The following TENM4 variants were observed in gnomAD, a reference collection of about 807,000 sequenced individuals.
TENM4 encodes the protein teneurin-4.
A neutral mutation model predicts 243.3 loss-of-function variants in TENM4; 82 were observed. The ratio of observed to expected loss-of-function variants is 0.34; its 90% CI spans 0.28 to 0.40. The LOEUF (loss-of-function observed/expected upper bound fraction) is 0.40. Ranked by LOEUF, TENM4 falls within the 10% of genes least tolerant of loss-of-function variation. The probability of loss-of-function intolerance (pLI) is 1.00; values close to 1 mark genes in which losing one functional copy is unlikely to be tolerated. For missense variants in TENM4, 3,138 were observed against 3,673.3 expected (o/e 0.85, Z 3.77); for synonymous variants, 1,412 against 1,456.3 (o/e 0.97, Z 0.69).
chr11:78,714,568 C>A (rs1434121425), intron 25 of TENM4, among the ~76,000 whole-genome samples: 3 of 152,202 alleles, frequency 2.0e-5, no homozygotes, highest in Admixed American at 2.0e-4. Context: ...CAAATACCAA[C>A]CTGCCATTTC....
At chr11:79,301,443 T>C (rs1011841078) in intron 1 of TENM4, among the ~76,000 whole-genome samples, 3 of 152,200 alleles carry the variant, frequency 2.0e-5, no homozygotes, top group African/African-American at 7.2e-5. Flanking sequence ...AAATGAACTC[T>C]TCAGGCTTCT....
At chr11:79,126,622 A>G (rs1461398742) in intron 4 of TENM4, among the ~76,000 whole-genome samples, 1 of 152,182 alleles carries the variant, frequency 6.6e-6, no homozygotes, top group African/African-American at 2.4e-5. Context: ...CTGCATTCCT[A>G]TGTAATTTAT....
intron 1 of TENM4, among the ~76,000 whole-genome samples, chr11:79,316,129 C>T (rs1856798830): frequency 6.6e-6 from 1 of 152,036 alleles, no homozygotes; most frequent in South Asian, 2.1e-4. Flanking sequence ...GATTTTTATC[C>T]AGTATCTCCC....
At chr11:78,723,819 C>T (rs750017894) in intron 23 of TENM4, among the ~76,000 whole-genome samples, 2 of 152,138 alleles carry the variant, frequency 1.3e-5, no homozygotes, top group Non-Finnish European at 2.9e-5. Flanking sequence ...TACCTGTTAG[C>T]TTTGTCAAAG....
chr11:79,357,753 G>A (rs1487484003), intron 1 of TENM4, among the ~76,000 whole-genome samples: 1 of 152,188 alleles, frequency 6.6e-6, no homozygotes, highest in Non-Finnish European at 1.5e-5. Context: ...TAAAGATGGG[G>A]GAGACAAATA....
chr11:79,058,592 A>T (rs1591248767), intron 6 of TENM4, among the ~76,000 whole-genome samples: 1 of 152,144 alleles, frequency 6.6e-6, no homozygotes, highest in South Asian at 2.1e-4. Flanking sequence ...AGTAGGATGG[A>T]TCTGGATTCA....
intron 6 of TENM4, among the ~76,000 whole-genome samples, chr11:78,992,038 C>A (rs752454867): frequency 3.3e-5 from 5 of 152,208 alleles, no homozygotes; most frequent in Non-Finnish European, 7.3e-5. Context: ...ATTAACTTCC[C>A]ACTCTGAAGG....
chr11:78,675,245 T>G (rs906141091), intron 30 of TENM4, among the ~76,000 whole-genome samples: 1 of 152,182 alleles, frequency 6.6e-6, no homozygotes, highest in African/African-American at 2.4e-5. Context: ...GATTGTCTCA[T>G]GTGTAAAAGA....
rs577356329 is a variant in TENM4 at position 79,057,815 on chromosome 11, G to A, written c.493+6923C>T. Among the ~76,000 whole-genome samples the A allele has an allele frequency of 2.9e-4, 44 of 152,164 alleles. No individual in the cohort carries two copies. In the South Asian group the frequency reaches 5.4e-3, roughly 19 times the overall value. ...TGCCACCCTATTCCCAGTTGCACGC[G>A]CTTATGTCCTAGCCTCATATGACAA... On this transcript the variant is annotated intron_variant, in intron 6 of 33. Transcript: ENST00000278550.
rs1857905282 is a variant in TENM4 at position 78,985,828 on chromosome 11, T to C, written c.493+78910A>G. Among the ~76,000 whole-genome samples the C allele has an allele frequency of 3.3e-5, 5 of 152,148 alleles. No homozygotes were observed. In the South Asian group the frequency reaches 1.0e-3, roughly 32 times the overall value. The stretch of plus-strand genomic sequence containing the variant: ...CTGGGTTCAATGAAGGTCAGCCAAG[T>C]TACCGAGCTACTTCCTGCCATCAGC... On this transcript the variant is annotated intron_variant, in intron 6 of 33. Transcript: ENST00000278550.
chr11:78,876,079 T>A (rs1859263422), intron 9 of TENM4, among the ~76,000 whole-genome samples: 1 of 152,196 alleles, frequency 6.6e-6, no homozygotes, highest in African/African-American at 2.4e-5. Flanking sequence ...GGTCCAGCGC[T>A]ACTACTTACC....
At chr11:78,855,198 T>C (rs900839294) in intron 11 of TENM4, among the ~76,000 whole-genome samples, 37 of 152,226 alleles carry the variant, frequency 2.4e-4, no homozygotes, top group African/African-American at 7.2e-4. Flanking sequence ...ATTCCTTCTT[T>C]AGCAAACATA....
intron 12 of TENM4, among the ~76,000 whole-genome samples, chr11:78,821,388 G>A (rs1326922356): frequency 6.6e-6 from 1 of 152,184 alleles, no homozygotes; most frequent in African/African-American, 2.4e-5. Flanking sequence ...AATACAAGGG[G>A]AAAATAGAGG....
chr11:79,430,982 C>A (rs1194584477), intron 1 of TENM4, among the ~76,000 whole-genome samples: 1 of 152,182 alleles, frequency 6.6e-6, no homozygotes, highest in Non-Finnish European at 1.5e-5. Flanking sequence ...AGCTAGGAGT[C>A]TCTGAGGCAT....
intron 11 of TENM4, among the ~76,000 whole-genome samples, chr11:78,855,191 C>T (rs1390068793): frequency 6.6e-6 from 1 of 152,152 alleles, no homozygotes; most frequent in Non-Finnish European, 1.5e-5. Flanking sequence ...TCCTGTGATT[C>T]CTTCTTTAGC....
At chr11:78,724,780 A>G (rs572254446) in intron 23 of TENM4, among the ~76,000 whole-genome samples, 2 of 152,252 alleles carry the variant, frequency 1.3e-5, no homozygotes, top group Non-Finnish European at 2.9e-5. Context: ...TAAAAGTGAT[A>G]TGGGCAGCTT....
At chr11:78,835,960 G>A (rs187729531) in intron 12 of TENM4, among the ~76,000 whole-genome samples, 188 of 152,298 alleles carry the variant, frequency 1.2e-3, no homozygotes, top group African/African-American at 3.9e-3. Flanking sequence ...AACACATACC[G>A]AATAAACACA....
intron 19 of TENM4, among the ~76,000 whole-genome samples, chr11:78,740,397 T>C (rs1472224772): frequency 7.5e-6 from 1 of 133,010 alleles, no homozygotes; most frequent in African/African-American, 2.8e-5. Context: ...CACAATCTGG[T>C]TAATGCTAAT....
chr11:79,290,326 A>G (rs186529542), intron 2 of TENM4, among the ~76,000 whole-genome samples: 2 of 152,348 alleles, frequency 1.3e-5, no homozygotes, highest in East Asian at 3.9e-4. Flanking sequence ...TGTATGTAAT[A>G]TTTTATAAAC....
Sources: allele counts gnomAD v4.1 joint callset (sites outside exome capture counted in the v4.1 genomes callset), GRCh38; gene constraint gnomAD v4.1.1; transcripts MANE v1.5; gene names NCBI Gene and HGNC (gene_info 2026-07-23, HGNC 2026-07-21).